The following TRIO variants were observed in gnomAD, a reference collection of about 807,000 sequenced individuals.
TRIO encodes trio Rho guanine nucleotide exchange factor.
TRIO carries 58 observed loss-of-function variants against 351.9 expected under a neutral mutation model. The observed-to-expected ratio is 0.16, with a 90% confidence interval of 0.13 to 0.21. TRIO has a LOEUF of 0.21. Among genes scored for constraint, TRIO ranks in the 10% least tolerant of loss-of-function variants. The pLI is 1.00. For missense variants in TRIO, 3,201 were observed against 4,027.8 expected, an observed-to-expected ratio of 0.79 and a Z score of 5.56; for synonymous variants, 1,758 against 1,595.7, an observed-to-expected ratio of 1.10 and a Z score of -2.42.
chr5:14,403,301 A>G (rs1200860215), intron 31 of TRIO, among the ~76,000 whole-genome samples: 1 of 76,552 alleles, frequency 1.3e-5, no homozygotes, highest in Non-Finnish European at 2.6e-5. Flanking sequence ...TGTGGTGGTG[A>G]GGGTGTAGGT....
chr5:14,296,443 A>G (rs573495481), intron 6 of TRIO, among the ~76,000 whole-genome samples: 85 of 152,348 alleles, frequency 5.6e-4, no homozygotes, highest in Middle Eastern at 3.4e-3. Flanking sequence ...ATAAACTGAT[A>G]GACTTGAAGA....
At chr5:14,337,817 A>G (rs1741564806) in intron 11 of TRIO, among the ~76,000 whole-genome samples, 2 of 152,080 alleles carry the variant, frequency 1.3e-5, no homozygotes, top group African/African-American at 2.4e-5. Context: ...GGAGTGGAGG[A>G]GAGTACACAG....
chr5:14,398,122 G>T (rs1747768656), intron 29 of TRIO, among the ~76,000 whole-genome samples: 1 of 152,178 alleles, frequency 6.6e-6, no homozygotes, highest in South Asian at 2.1e-4. Flanking sequence ...GGGATGGAGT[G>T]CTTATTTTGA....
chr5:14,150,272 C>T (rs1038693350), intron 1 of TRIO, among the ~76,000 whole-genome samples: 1 of 150,076 alleles, frequency 6.7e-6, no homozygotes, highest in African/African-American at 2.5e-5. Flanking sequence ...ACCGTAGTGA[C>T]AGAAAACAGA....
In TRIO at chr5:14,286,509, A is replaced by G. The variant is rs1028296013; in HGVS notation, c.348-362A>G. ...TTTGTACTCACCCGATGCTCCCTGG[A>G]GACCTTTGCTCGCAGGAGTGACTGG... On this transcript the variant is annotated intron_variant, in intron 3 of 56. Transcript: ENST00000344204. This position sits in a 1 kb window ranked among gnomAD's most constrained non-coding sequence, Gnocchi z 4.4. 2.8e-4 allele frequency among the ~76,000 whole-genome samples: 42 copies of G among 152,098 alleles called. No individual in the cohort carries two copies. The highest frequency in any genetic ancestry group is 1.6e-4 in the Non-Finnish European group (11 of 68,026).
intron 1 of TRIO, among the ~76,000 whole-genome samples, chr5:14,174,151 G>A (rs1401521500): frequency 6.6e-6 from 1 of 152,212 alleles, no homozygotes; most frequent in African/African-American, 2.4e-5. Context: ...CCACCCGTGT[G>A]GCTGTAACCT....
chr5:14,244,359 G>T (rs1045520883), intron 1 of TRIO, among the ~76,000 whole-genome samples: 5 of 152,124 alleles, frequency 3.3e-5, no homozygotes, highest in Non-Finnish European at 7.4e-5. Context: ...TGTAAATGGG[G>T]CAAATATCAT....
chr5:14,423,119 G>A (rs536564626), intron 34 of TRIO, among the ~76,000 whole-genome samples: 154 of 152,296 alleles, frequency 1.0e-3, no homozygotes, highest in African/African-American at 3.6e-3. Context: ...TTAAACAGAC[G>A]CCGGGCATAG....
intron 1 of TRIO, among the ~76,000 whole-genome samples, chr5:14,198,506 T>G (rs1939144004): frequency 6.6e-6 from 1 of 152,260 alleles, no homozygotes; most frequent in African/African-American, 2.4e-5. Context: ...TACATTTCAC[T>G]GAGACCTTCT....
chr5:14,196,316 G>C (rs562141641), intron 1 of TRIO, among the ~76,000 whole-genome samples: 1 of 151,516 alleles, frequency 6.6e-6, no homozygotes, highest in Non-Finnish European at 1.5e-5. Flanking sequence ...CCAGCTACTC[G>C]GGAGGCTGAG....
intron 30 of TRIO, among the ~76,000 whole-genome samples, chr5:14,399,783 C>T (rs1198538128): frequency 1.3e-5 from 2 of 152,302 alleles, no homozygotes; most frequent in African/African-American, 4.8e-5. Context: ...TTCCATCTAA[C>T]TTAGTGGGCC....
At chr5:14,383,592 A>G (rs908762214) in intron 21 of TRIO, among the ~76,000 whole-genome samples, 3 of 152,152 alleles carry the variant, frequency 2.0e-5, no homozygotes, top group Admixed American at 1.3e-4. Context: ...ATTGTGAGTG[A>G]TATATGACCT....
rs757578389 is a variant in TRIO at position 14,363,962 on chromosome 5, TTTC to T, written c.2587+39_2587+41del. The T allele has an allele frequency of 1.6e-5, 25 of 1,580,108 alleles. 1 individual carries two copies. In the South Asian group the frequency reaches 2.4e-4, roughly 15 times the overall value. On this transcript the variant is annotated intron_variant, in intron 14 of 56. Transcript: ENST00000344204. ...CTCACTCCATCTGTGTCCGTTGTGA[TTTC>T]TTCATGTCGTCATGGCAATTCGGCT...
At position 14,293,114 on chromosome 5, in the gene TRIO, C is replaced by T; in HGVS notation, c.1156C>T (p.His386Tyr). 10 of 1,614,198 alleles carry T rather than the reference C, an allele frequency of 6.2e-6. No individual in the cohort carries two copies. Among genetic ancestry groups the T allele is most frequent in the East Asian group, 2.2e-5 (1 of 44,882 alleles). The change falls in exon 6 of 57, where the codon CAC becomes TAC. Residue 386 changes from histidine (H) to tyrosine (Y), a missense_variant. By Grantham distance (83) the His-to-Tyr change is moderately conservative. Coordinates refer to ENST00000344204, the MANE Select transcript of TRIO (RefSeq NM_007118.4). The stretch of plus-strand genomic sequence containing the variant: ...CATGGAGCTTCAGACGCAGCACAAT[C>T]ACTTTGCCATGAACTGTATGGTAAG... ...HAMELQTQHN[H>Y]FAMNCMNVYV...
At chr5:14,393,060 A>G (rs574694423) in intron 27 of TRIO, among the ~76,000 whole-genome samples, 168 of 147,070 alleles carry the variant, frequency 1.1e-3, no homozygotes, top group South Asian at 1.9e-3. Flanking sequence ...AAGAAAGAAA[A>G]AAAAAAAAAA....
chr5:14,225,097 A>G (rs1423472868), intron 1 of TRIO, among the ~76,000 whole-genome samples: 1 of 152,174 alleles, frequency 6.6e-6, no homozygotes, highest in Non-Finnish European at 1.5e-5. Context: ...CTACAGCCCT[A>G]GAGCATAGCC....
Position 14,462,772 on chromosome 5 carries a change from C to G in TRIO, c.5514C>G (p.Gly1838=), listed in dbSNP as rs764203841. The G allele has an allele frequency of 6.2e-7, 1 of 1,614,026 alleles. No individual in the cohort carries two copies. Among genetic ancestry groups the G allele is most frequent in the African/African-American group, 1.3e-5 (1 of 74,928 alleles). The change falls in exon 36 of 57, where the codon GGC becomes GGG. Residue 1838 remains glycine (G), a synonymous_variant. Coordinates refer to ENST00000344204, the MANE Select transcript of TRIO (RefSeq NM_007118.4). ...GATTTCAGAGAGGCCGGAACGAGGG[C>G]CTGAGCAGCGGTACTCTCTCCAAAT... is the stretch of plus-strand genomic sequence containing the variant. ...ETVEERGRNE[G]LSSGTLSKSS...
At chr5:14,295,675 TTACTA>T (rs1477964124) in intron 6 of TRIO, among the ~76,000 whole-genome samples, 1 of 152,206 alleles carries the variant, frequency 6.6e-6, no homozygotes, top group African/African-American at 2.4e-5. Flanking sequence ...TCTTGTCACT[TTACTA>T]GGAGGGAGGA....
At chr5:14,395,469 G>A (rs773828971) in intron 28 of TRIO, among the ~76,000 whole-genome samples, 1 of 152,222 alleles carries the variant, frequency 6.6e-6, no homozygotes, top group Non-Finnish European at 1.5e-5. Flanking sequence ...TCTGCCAGAG[G>A]TTCTTCAGGA....
Sources: allele counts gnomAD v4.1 joint callset (sites outside exome capture counted in the v4.1 genomes callset), GRCh38; gene constraint gnomAD v4.1.1; non-coding constraint Gnocchi (gnomAD v3.1); transcripts MANE v1.5; gene names NCBI Gene and HGNC (gene_info 2026-07-23, HGNC 2026-07-21).